The following ZNF804A variants were observed in gnomAD, a reference collection of about 807,000 sequenced individuals.
The protein encoded by ZNF804A is zinc finger protein 804A.
Under a neutral mutation model 16.5 loss-of-function variants are expected in ZNF804A, and 2 were observed. The ratio of observed to expected loss-of-function variants is 0.12; its 90% CI spans 0.05 to 0.38. The LOEUF is 0.38. Among genes scored for constraint, ZNF804A ranks in the 10% least tolerant of loss-of-function variants. The probability of loss-of-function intolerance (pLI) is 0.99; values close to 1 mark genes in which losing one functional copy is unlikely to be tolerated. For synonymous variants in ZNF804A, 534 were observed against 489.6 expected (o/e 1.09, Z -1.20); for missense variants, 1,473 against 1,390.7 (o/e 1.06, Z -0.94).
chr2:184,849,329 A>G (rs1695567700), intron 1 of ZNF804A, among the ~76,000 whole-genome samples: 1 of 152,052 alleles, frequency 6.6e-6, no homozygotes, highest in Non-Finnish European at 1.5e-5. Flanking sequence ...CTGAGGCATA[A>G]CGCAGTCAGA....
At chr2:184,922,321 G>A (rs1685541073) in intron 2 of ZNF804A, among the ~76,000 whole-genome samples, 1 of 152,006 alleles carries the variant, frequency 6.6e-6, no homozygotes, top group Admixed American at 6.6e-5. Context: ...ATGTCTCATT[G>A]CAGTTTTGAT....
intron 1 of ZNF804A, among the ~76,000 whole-genome samples, chr2:184,820,377 T>G (rs1695055628): frequency 1.3e-5 from 2 of 151,954 alleles, no homozygotes; most frequent in Non-Finnish European, 2.9e-5. Context: ...CCTCTCACAT[T>G]AAAAGCTTTC....
At chr2:184,665,720 A>G (rs970623087) in intron 1 of ZNF804A, among the ~76,000 whole-genome samples, 2 of 152,200 alleles carry the variant, frequency 1.3e-5, no homozygotes, top group Non-Finnish European at 2.9e-5. Flanking sequence ...TTGAGGTTGT[A>G]GGACTGAGAT....
At chr2:184,864,874 G>GTTTTTTTTTTTTTT (rs1695850835) in intron 1 of ZNF804A, among the ~76,000 whole-genome samples, 1 of 117,036 alleles carries the variant, frequency 8.5e-6, no homozygotes, top group African/African-American at 4.7e-5. Context: ...ATATAGTTAG[G>GTTTTTTTTTTTTTT]ATTTTTTTTT....
intron 1 of ZNF804A, among the ~76,000 whole-genome samples, chr2:184,695,417 C>A (rs943049394): frequency 1.4e-5 from 2 of 141,604 alleles, no homozygotes; most frequent in African/African-American, 2.7e-5. Context: ...GCCGAGATTG[C>A]GCCACTGCAC....
chr2:184,762,722 G>T (rs1303111911), intron 1 of ZNF804A, among the ~76,000 whole-genome samples: 1 of 152,010 alleles, frequency 6.6e-6, no homozygotes, highest in Non-Finnish European at 1.5e-5. Flanking sequence ...GGAGAAGAAT[G>T]ACACAATAAA....
At chr2:184,634,957 T>C (rs556246782) in intron 1 of ZNF804A, among the ~76,000 whole-genome samples, 2 of 149,268 alleles carry the variant, frequency 1.3e-5, no homozygotes, top group Non-Finnish European at 3.0e-5. Flanking sequence ...GCTAATTTTG[T>C]ATTTTTTTAA....
chr2:184,662,864 C>T (rs1175419055), intron 1 of ZNF804A, among the ~76,000 whole-genome samples: 3 of 152,150 alleles, frequency 2.0e-5, no homozygotes, highest in South Asian at 2.1e-4. Flanking sequence ...ATTTTTGAAC[C>T]ATGCATTATC....
chr2:184,737,409 C>A (rs993290974), intron 1 of ZNF804A, among the ~76,000 whole-genome samples: 1 of 152,002 alleles, frequency 6.6e-6, no homozygotes, highest in African/African-American at 2.4e-5. Context: ...TAGTGTTGAA[C>A]TTTGTCACGT....
chr2:184,663,693 C>T (rs535007837), intron 1 of ZNF804A, among the ~76,000 whole-genome samples: 13 of 152,252 alleles, frequency 8.5e-5, no homozygotes, highest in South Asian at 2.1e-4. Context: ...TGGGGCCCAC[C>T]GATGGCAACC....
intron 1 of ZNF804A, among the ~76,000 whole-genome samples, chr2:184,679,958 A>C (rs1473635651): frequency 6.6e-6 from 1 of 152,190 alleles, no homozygotes; most frequent in Non-Finnish European, 1.5e-5. Flanking sequence ...TCCCAGGCCC[A>C]GAGTAAGAAC....
At chr2:184,605,022 C>T (rs756008358) in intron 1 of ZNF804A, among the ~76,000 whole-genome samples, 32 of 151,970 alleles carry the variant, frequency 2.1e-4, no homozygotes, top group Admixed American at 9.8e-4. Context: ...TAATTTTATT[C>T]TTTAATATAT....
At chr2:184,710,102 A>G (rs1457317282) in intron 1 of ZNF804A, among the ~76,000 whole-genome samples, 1 of 151,240 alleles carries the variant, frequency 6.6e-6, no homozygotes, top group African/African-American at 2.4e-5. Flanking sequence ...AAGAATCTCC[A>G]AGTTATTACC....
chr2:184,935,046 G>T (rs1234440414), intron 3 of ZNF804A, among the ~76,000 whole-genome samples: 1 of 151,988 alleles, frequency 6.6e-6, no homozygotes, highest in Admixed American at 6.6e-5. Flanking sequence ...TAAGGTTTAG[G>T]GTTTCTTATA....
chr2:184,699,896 C>G (rs1344479292), intron 1 of ZNF804A, among the ~76,000 whole-genome samples: 2 of 151,992 alleles, frequency 1.3e-5, no homozygotes, highest in East Asian at 3.9e-4. Context: ...TATGCAGTTA[C>G]TAAGTAGTGG....
At chr2:184,769,858 A>T (rs888954114) in intron 1 of ZNF804A, among the ~76,000 whole-genome samples, 2 of 152,118 alleles carry the variant, frequency 1.3e-5, no homozygotes, top group African/African-American at 4.8e-5. Context: ...GTAAGATATC[A>T]TTATTAACAA....
intron 1 of ZNF804A, among the ~76,000 whole-genome samples, chr2:184,845,673 G>C (rs1695500652): frequency 6.6e-6 from 1 of 152,094 alleles, no homozygotes; most frequent in East Asian, 1.9e-4. Flanking sequence ...TTTCACATTA[G>C]TTACTACTCC....
chr2:184,821,878 G>T (rs1695092197), intron 1 of ZNF804A, among the ~76,000 whole-genome samples: 1 of 152,144 alleles, frequency 6.6e-6, no homozygotes, highest in Admixed American at 6.6e-5. Context: ...TCTCACACCA[G>T]TCACAATAGT....
In ZNF804A at chr2:184,937,475, T is replaced by C; in HGVS notation, c.2079T>C (p.Cys693=). The C allele has an allele frequency of 6.4e-7, 1 of 1,571,388 alleles. No homozygotes were observed. The part of the protein sequence containing the change: ...TYDTISSKNH[C]KKNTILLNGQ... ...ATACTATCAGTTCTAAAAACCACTG[T>C]AAAAAGAACACAATACTTTTAAATG... Residue 693 remains cysteine, a synonymous_variant, in exon 4 of 4, where the codon TGT becomes TGC. Transcript: ENST00000302277.
Sources: gnomAD v4.1 joint callset for allele counts (sites outside exome capture counted in the v4.1 genomes callset) on GRCh38, gnomAD v4.1.1 for gene constraint, MANE v1.5 for transcripts, NCBI Gene and HGNC (gene_info 2026-07-23, HGNC 2026-07-21) for gene names.